MAX: variants seen among roughly 807,000 people sequenced by gnomAD.
MAX encodes protein max.
In MAX, 3 loss-of-function variants were observed where a neutral mutation model predicts 22.3. The observed-to-expected ratio is 0.13, with a 90% confidence interval of 0.06 to 0.35. The LOEUF is 0.35. MAX is among the 10% of genes least tolerant of loss of function. The probability of loss-of-function intolerance (pLI) is 1.00; values close to 1 mark genes in which losing one functional copy is unlikely to be tolerated. For synonymous variants in MAX, 72 were observed against 77.7 expected (o/e 0.93, Z 0.39); for missense variants, 119 against 209.4 (o/e 0.57, Z 2.66).
chr14:65,024,477 T>C lies in MAX; in HGVS notation c.172-18193A>G, dbSNP rs1173996191. Among the ~76,000 whole-genome samples, 3 of 152,336 alleles carry C rather than the reference T, an allele frequency of 2.0e-5. No homozygotes were observed. The East Asian group carries it at 5.8e-4, about 29-fold the overall frequency. On this transcript the variant is annotated intron_variant, in intron 3 of 3. Coordinates refer to the MAX transcript ENST00000341653. ...ACCTCAGCAGGACTGGGTCTCTGTA[T>C]TCTTTTATTAGCTTTCTACAGATTC... is the stretch of plus-strand genomic sequence containing the variant.
At chr14:65,072,534 T>TA (rs2062999595), downstream of MAX, among the ~76,000 whole-genome samples, 1 of 152,224 alleles carries the variant, frequency 6.6e-6, no homozygotes, top group South Asian at 2.1e-4. Flanking sequence ...CGGGTTATAT[T>TA]ACTGTTGGGA....
intron 3 of MAX, among the ~76,000 whole-genome samples, chr14:65,065,137 C>CAG (rs55792096): frequency 0.49 from 75,164 of 151,866 alleles, 20,964 homozygotes; most frequent in African/African-American, 0.77. Flanking sequence ...CACTGTATGA[C>CAG]GGGGAAAAGC....
rs1461734736 is a variant in MAX at position 65,078,287 on chromosome 14, C to T, written c.172-251G>A. On this transcript the variant is annotated intron_variant, in intron 3 of 4. Coordinates refer to ENST00000358664, the MANE Select transcript of MAX (RefSeq NM_002382.5). The surrounding 1 kb of genome is among the most constrained non-coding windows in gnomAD (Gnocchi z 6.4). ...CGTGATCTTGGCTGACAGCAACCTC[C>T]GCCTCCTGGGTTCAAGTGATTCTCC... is the stretch of plus-strand genomic sequence containing the variant. Among the ~76,000 whole-genome samples, 2 of 152,138 alleles carry T rather than the reference C, an allele frequency of 1.3e-5. No homozygotes were observed. Among genetic ancestry groups the T allele is most frequent in the South Asian group, 2.1e-4 (1 of 4,824 alleles).
chr14:65,102,579 C>A (rs1002858379), upstream of MAX: 566 of 1,434,388 alleles, frequency 3.9e-4, no homozygotes, highest in Non-Finnish European at 5.0e-4. Flanking sequence ...ACCAGGCTCG[C>A]AGCGCTGGGG....
intron 3 of MAX, among the ~76,000 whole-genome samples, chr14:65,052,451 G>A (rs34957364): frequency 0.4 from 60,839 of 151,946 alleles, 12,879 homozygotes; most frequent in East Asian, 0.58. Flanking sequence ...CAAGGACTTA[G>A]TGTACATCCT....
intron 3 of MAX, among the ~76,000 whole-genome samples, chr14:65,086,392 A>C (rs1188449465): frequency 1.3e-5 from 2 of 152,242 alleles, no homozygotes; most frequent in African/African-American, 4.8e-5. Flanking sequence ...AATGTGGGAA[A>C]GTTTCAAACT....
rs541917697 is a variant in MAX, at chr14:65,027,409, G to T, written c.172-21125C>A. ...TAGTGGGAATTTGGTGTTTTGACAT[G>T]AATGCTCTCTGACTTTGTTTTTGCC... is the stretch of plus-strand genomic sequence containing the variant. On this transcript the variant is annotated intron_variant, in intron 3 of 3. Coordinates refer to the MAX transcript ENST00000341653. The surrounding 1 kb of genome is among the most constrained non-coding windows in gnomAD (Gnocchi z 5.7). 5.0e-6 allele frequency: 8 copies of T among 1,608,096 alleles called. No homozygotes were observed. The highest frequency in any genetic ancestry group is 3.4e-5 in the Admixed American group (2 of 59,448).
At position 65,014,684 on chromosome 14, in the gene MAX, T is replaced by C. The variant is rs888215040; in HGVS notation, c.172-8400A>G. 1.3e-5 allele frequency among the ~76,000 whole-genome samples: 2 copies of C among 152,114 alleles called. No individual in the cohort carries two copies. The highest frequency in any genetic ancestry group is 4.8e-5 in the African/African-American group (2 of 41,414). On this transcript the variant is annotated intron_variant, in intron 3 of 3. Coordinates refer to the MAX transcript ENST00000341653. The surrounding 1 kb of genome is among the most constrained non-coding windows in gnomAD (Gnocchi z 5.1). ...AAAAAATTAGCCAGGCATAGTGGTG[T>C]GTGCCCGTAGTCCCAGCTACTTAGG...
chr14:65,043,196 A>T (rs566930218), intron 3 of MAX, among the ~76,000 whole-genome samples: 1 of 152,190 alleles, frequency 6.6e-6, no homozygotes, highest in African/African-American at 2.4e-5. Context: ...TGGAAATGTC[A>T]TATCTGCTCA....
rs2063274740 is a variant in MAX, at chr14:65,084,424, A to G, written c.172-6388T>C. The G allele has an allele frequency of 3.0e-6, 2 of 673,444 alleles. No individual in the cohort carries two copies. The highest frequency in any genetic ancestry group is 5.3e-6 in the Non-Finnish European group (2 of 373,866). The allele number at this position is 673,444 out of a possible 1,614,324, so 41.7% of individuals were successfully genotyped here. A position where few individuals can be genotyped will look rare whatever the true frequency, so the allele number is the denominator to read the frequency against. ...AAAAAAAAATTCCAGTGATAATGAA[A>G]CTGGTACTCTCAAAACACTACCAAA... On this transcript the variant is annotated intron_variant, in intron 3 of 4. Transcript: ENST00000358664. This position sits in a 1 kb window ranked among gnomAD's most constrained non-coding sequence, Gnocchi z 4.3.
intron 3 of MAX, chr14:65,053,224 TTGCCCTTCAACAGGTGACCC>T: frequency 1.5e-6 from 2 of 1,365,682 alleles, no homozygotes; most frequent in Non-Finnish European, 1.9e-6. Flanking sequence ...TACTGACCCT[TTGCCCTTCAACAGGTGACCC>T]TGCCCTTAGC....
In MAX at chr14:65,076,159, A is replaced by C; in HGVS notation, c.*317T>G. The stretch of plus-strand genomic sequence containing the variant: ...GAGCTGGTAGGGTGGGCAGGACACT[A>C]TGTGCTCAGAGGTCCGGCCGGCCGT... On this transcript the variant is annotated 3_prime_UTR_variant, in exon 5 of 5. Transcript: ENST00000358664. This position sits in a 1 kb window ranked among gnomAD's most constrained non-coding sequence, Gnocchi z 6.6. The C allele has an allele frequency of 3.7e-6, 5 of 1,346,106 alleles. No individual in the cohort carries two copies. Among genetic ancestry groups the C allele is most frequent in the Non-Finnish European group, 2.9e-6 (3 of 1,047,520 alleles). 83.4% of individuals were successfully genotyped at this position (1,346,106 alleles called of 1,614,324 possible). A position where few individuals can be genotyped will look rare whatever the true frequency, so the allele number is the denominator to read the frequency against.
Position 65,096,105 on chromosome 14 carries a change from T to C in MAX, c.64-2290A>G, listed in dbSNP as rs529719190. On this transcript the variant is annotated intron_variant, in intron 2 of 4. Transcript: ENST00000358664. ...TGGGGAGCCAGCCAAGTTTGAGAAG[T>C]TGGCTCAACAAGGAAAGGCAGCAGT... is the stretch of plus-strand genomic sequence containing the variant. 3.2e-4 allele frequency among the ~76,000 whole-genome samples: 48 copies of C among 152,272 alleles called. No homozygotes were observed. In the South Asian group the frequency reaches 6.8e-3, roughly 22 times the overall value.
downstream of MAX, among the ~76,000 whole-genome samples, chr14:65,074,922 C>T (rs1384689794): frequency 1.3e-5 from 2 of 152,170 alleles, no homozygotes; most frequent in African/African-American, 2.4e-5. Context: ...ATCCAATGAA[C>T]AAAGCCATCA....
rs565481904 is a variant in MAX at position 65,088,069 on chromosome 14, G to T, written c.171+5639C>A. ...ACATGACTTGCTCCTCCTTGCCTTC[G>T]CCATGATTGTGAGGCTTCCTTCCAG... On this transcript the variant is annotated intron_variant, in intron 3 of 4. Transcript: ENST00000358664. This position sits in a 1 kb window ranked among gnomAD's most constrained non-coding sequence, Gnocchi z 5.2. Among the ~76,000 whole-genome samples, 3 of 152,082 alleles carry T rather than the reference G, an allele frequency of 2.0e-5. No individual in the cohort carries two copies. The highest frequency in any genetic ancestry group is 6.6e-5 in the Admixed American group (1 of 15,256).
intron 3 of MAX, among the ~76,000 whole-genome samples, chr14:65,066,916 C>T (rs1186876881): frequency 6.7e-6 from 1 of 148,406 alleles, no homozygotes; most frequent in Non-Finnish European, 1.5e-5. Context: ...TGGCTCATGA[C>T]TGTAATCCCA....
chr14:65,033,972 C>T (rs1456266616), intron 3 of MAX, among the ~76,000 whole-genome samples: 2 of 152,068 alleles, frequency 1.3e-5, no homozygotes, highest in African/African-American at 4.8e-5. Context: ...TATGTATTAC[C>T]ATATAAATAT....
At chr14:65,016,726 G>A (rs1368911943) in intron 3 of MAX, among the ~76,000 whole-genome samples, 4 of 152,188 alleles carry the variant, frequency 2.6e-5, no homozygotes. Context: ...TGTGATGAAT[G>A]TGGATGGGGA....
chr14:65,040,296 T>C (rs2062318231), intron 3 of MAX, among the ~76,000 whole-genome samples: 2 of 149,396 alleles, frequency 1.3e-5, no homozygotes, highest in South Asian at 4.2e-4. Context: ...TATATATATA[T>C]GTATATATAT....
Sources: gnomAD v4.1 joint callset for allele counts (sites outside exome capture counted in the v4.1 genomes callset) on GRCh38, gnomAD v4.1.1 for gene constraint, Gnocchi (gnomAD v3.1) non-coding constraint, MANE v1.5 for transcripts, NCBI Gene and HGNC (gene_info 2026-07-23, HGNC 2026-07-21) for gene names.